NTM: variants seen among roughly 807,000 people sequenced by gnomAD.
NTM encodes IgLON family member 2.
Under a neutral mutation model 42.1 loss-of-function variants are expected in NTM, and 13 were observed. The observed-to-expected ratio is 0.31, with a 90% CI of 0.20 to 0.49. The LOEUF is 0.49. Ranked by LOEUF, NTM falls within the 20% of genes least tolerant of loss-of-function variation. The pLI is 0.99. For synonymous variants in NTM, 187 were observed against 179.2 expected, an observed-to-expected ratio of 1.04 and a Z score of -0.35; for missense variants, 373 against 452.8, an observed-to-expected ratio of 0.82 and a Z score of 1.60.
intron 1 of NTM, chr11:131,662,457 T>C (rs1328807472): frequency 5.3e-5 from 8 of 152,244 alleles, no homozygotes; most frequent in African/African-American, 1.4e-4. Flanking sequence ...ATCTGGCTCC[T>C]AGCCCGAGCA....
intron 6 of NTM, 22 bp downstream of exon 6, chr11:132,310,254 T>G (rs369720848): frequency 1.3e-6 from 2 of 1,575,568 alleles, no homozygotes; most frequent in Non-Finnish European, 1.7e-6. Flanking sequence ...TTCTTTCCTA[T>G]CCCACCCCTA....
At chr11:131,972,072 G>T (rs1020603776) in intron 2 of NTM, among the ~76,000 whole-genome samples, 2 of 98,856 alleles carry the variant, frequency 2.0e-5, no homozygotes, top group Non-Finnish European at 4.4e-5. Flanking sequence ...AATTAGCCAG[G>T]TGTGGTGGCA....
At chr11:131,901,079 G>C (rs1368507349) in intron 1 of NTM, among the ~76,000 whole-genome samples, 1 of 152,222 alleles carries the variant, frequency 6.6e-6, no homozygotes, top group Non-Finnish European at 1.5e-5. Flanking sequence ...CATTTGTGGA[G>C]TTGGTACTAC....
intron 1 of NTM, chr11:131,605,936 T>A: frequency 1.1e-6 from 1 of 932,208 alleles, no homozygotes; most frequent in Non-Finnish European, 1.3e-6. Flanking sequence ...GTTACTTATT[T>A]AAAATTGTAA....
chr11:131,520,523 G>A (rs2049492248), intron 1 of NTM, among the ~76,000 whole-genome samples: 1 of 152,120 alleles, frequency 6.6e-6, no homozygotes, highest in African/African-American at 2.4e-5. Flanking sequence ...GTGGTGTCCA[G>A]GATAGCCACG....
At position 131,785,582 on chromosome 11, in the gene NTM, C is replaced by G. The variant is rs74827071; in HGVS notation, c.83-125982C>G. On this transcript the variant is annotated intron_variant, in intron 1 of 8. Coordinates refer to ENST00000683400, the MANE Select transcript of NTM (RefSeq NM_001352005.2). ...GGAGAAGAACTCAAGACAGAATTTA[C>G]TATGAGGATAATGAATCTTTGGTAA... is the stretch of plus-strand genomic sequence containing the variant. Among the ~76,000 whole-genome samples the G allele has an allele frequency of 6.5e-3, 995 of 152,280 alleles. 7 individuals are homozygous for G. The highest frequency in any genetic ancestry group is 0.01 in the Non-Finnish European group (711 of 68,032).
At chr11:131,944,279 G>A (rs904236020) in intron 2 of NTM, among the ~76,000 whole-genome samples, 1 of 152,178 alleles carries the variant, frequency 6.6e-6, no homozygotes, top group African/African-American at 2.4e-5. Flanking sequence ...TTATGTGCTG[G>A]GCTTTATTAA....
rs1314765091 is a variant in NTM, at chr11:131,873,383, T to C, written c.83-38181T>C. On this transcript the variant is annotated intron_variant, in intron 1 of 8. Coordinates refer to ENST00000683400, the MANE Select transcript of NTM (RefSeq NM_001352005.2). ...TTGGGGGATGGGGGGCAAGGGGAGA[T>C]ACAGCGTTAGGAGAAATACCTAATG... Among the ~76,000 whole-genome samples, 5 of 151,274 alleles carry C rather than the reference T, an allele frequency of 3.3e-5. No individual in the cohort carries two copies. In the South Asian group the frequency reaches 1.0e-3, roughly 32 times the overall value.
At chr11:131,613,672 G>A (rs1277676755) in intron 1 of NTM, among the ~76,000 whole-genome samples, 2 of 152,174 alleles carry the variant, frequency 1.3e-5, no homozygotes, top group Non-Finnish European at 2.9e-5. Flanking sequence ...AACAGGGCGT[G>A]TGTGGTCACC....
intron 1 of NTM, among the ~76,000 whole-genome samples, chr11:131,554,703 A>G (rs1038735760): frequency 2.0e-5 from 3 of 152,210 alleles, no homozygotes; most frequent in African/African-American, 7.2e-5. Context: ...CAAATTGTAT[A>G]TTAGCACAAC....
chr11:131,673,129 G>C (rs1034113422), intron 1 of NTM, among the ~76,000 whole-genome samples: 6 of 152,158 alleles, frequency 3.9e-5, no homozygotes, highest in Non-Finnish European at 8.8e-5. Context: ...GCTAGGGAGG[G>C]CAGGAGGGTC....
intron 4 of NTM, among the ~76,000 whole-genome samples, chr11:132,300,028 T>A (rs2094785399): frequency 6.6e-6 from 1 of 152,164 alleles, no homozygotes; most frequent in Admixed American, 6.5e-5. Flanking sequence ...TACCTGCTTT[T>A]TTAAAATAAA....
At chr11:131,527,841 CTT>C (rs1475601487) in intron 1 of NTM, among the ~76,000 whole-genome samples, 1 of 151,872 alleles carries the variant, frequency 6.6e-6, no homozygotes, top group African/African-American at 2.4e-5. Context: ...CAATCTGACT[CTT>C]TGGTAGATTT....
chr11:131,539,871 C>G (rs553298330), intron 1 of NTM, among the ~76,000 whole-genome samples: 5 of 152,282 alleles, frequency 3.3e-5, no homozygotes, highest in Admixed American at 3.3e-4. Context: ...CTGCCTCTAT[C>G]CTGGACCTCA....
At chr11:131,679,017 C>T (rs1207204969) in intron 1 of NTM, among the ~76,000 whole-genome samples, 1 of 152,196 alleles carries the variant, frequency 6.6e-6, no homozygotes, top group Non-Finnish European at 1.5e-5. Context: ...AAAAATATCT[C>T]ATTTCTGGAG....
rs559424192 is a variant in NTM, at chr11:131,936,971, C to T, written c.167+25323C>T. On this transcript the variant is annotated intron_variant, in intron 2 of 8. Transcript: ENST00000683400. ...GCAAACTGCTTAGCAAAGAGTCAAG[C>T]GCAGTTTTCTATTCAGTCCCAAAGG... 1.1e-4 allele frequency among the ~76,000 whole-genome samples: 16 copies of T among 152,292 alleles called. No homozygotes were observed. The South Asian group carries it at 2.5e-3, about 24-fold the overall frequency.
intron 2 of NTM, among the ~76,000 whole-genome samples, chr11:132,116,528 T>C (rs1356190002): frequency 2.6e-5 from 4 of 152,188 alleles, no homozygotes; most frequent in African/African-American, 9.7e-5. Context: ...CCGCACCTCT[T>C]CTCTGGACTC....
chr11:132,278,035 C>A (rs2093800915), intron 4 of NTM, among the ~76,000 whole-genome samples: 1 of 152,218 alleles, frequency 6.6e-6, no homozygotes, highest in Admixed American at 6.5e-5. Context: ...GGGCCACAGT[C>A]ACCGCTTAAT....
intron 1 of NTM, among the ~76,000 whole-genome samples, chr11:131,910,507 C>CCG (rs1421695301): frequency 1.3e-5 from 2 of 151,490 alleles, no homozygotes; most frequent in East Asian, 1.9e-4. Context: ...AGAGCGCAGT[C>CCG]CGCGCCGCCA....
Sources: allele counts gnomAD v4.1 joint callset (sites outside exome capture counted in the v4.1 genomes callset), GRCh38; gene constraint gnomAD v4.1.1; transcripts MANE v1.5; gene names NCBI Gene and HGNC (gene_info 2026-07-23, HGNC 2026-07-21).